EPS15: variants seen among roughly 807,000 people sequenced by gnomAD.
The protein encoded by EPS15 is epidermal growth factor receptor pathway substrate 15, also known as epidermal growth factor receptor substrate 15.
EPS15 carries 72 observed loss-of-function variants against 113.8 expected under a neutral mutation model. The ratio of observed to expected loss-of-function variants is 0.63; its 90% CI spans 0.52 to 0.77. The LOEUF (loss-of-function observed/expected upper bound fraction) is 0.77, where lower values mean the gene tolerates loss of function less well. Among genes scored for constraint, EPS15 ranks in the 30% least tolerant of loss-of-function variants. The pLI, the probability that EPS15 is intolerant of heterozygous loss-of-function variation, is 0.00. For synonymous variants in EPS15, 344 were observed against 363.4 expected (o/e 0.95, Z 0.61); for missense variants, 1,048 against 1,045.8 (o/e 1.00, Z -0.03).
At chr1:51,436,914 T>C (rs1307962407) in intron 12 of EPS15, among the ~76,000 whole-genome samples, 1 of 152,136 alleles carries the variant, frequency 6.6e-6, no homozygotes, top group Non-Finnish European at 1.5e-5. Flanking sequence ...AAAACACTAG[T>C]AGGCAATGAA....
At chr1:51,440,686 C>A (rs1273180174) in intron 11 of EPS15, among the ~76,000 whole-genome samples, 1 of 151,944 alleles carries the variant, frequency 6.6e-6, no homozygotes, top group South Asian at 2.1e-4. Context: ...TCCCCACCTC[C>A]GATCCGAATG....
intron 1 of EPS15, among the ~76,000 whole-genome samples, chr1:51,516,381 T>C (rs1644716656): frequency 6.6e-6 from 1 of 152,234 alleles, no homozygotes; most frequent in Non-Finnish European, 1.5e-5. Context: ...ACATACTGAA[T>C]GCTCAGCAAA....
chr1:51,499,022 T>A (rs1644370961), intron 1 of EPS15, among the ~76,000 whole-genome samples: 1 of 152,178 alleles, frequency 6.6e-6, no homozygotes, highest in South Asian at 2.1e-4. Context: ...ACAGCATTCA[T>A]CCCTTTTACG....
intron 21 of EPS15, among the ~76,000 whole-genome samples, chr1:51,385,003 A>G (rs894396174): frequency 6.6e-6 from 1 of 152,238 alleles, no homozygotes; most frequent in Non-Finnish European, 1.5e-5. Flanking sequence ...TATCGGGGAA[A>G]TGCTTCCTGA....
intron 1 of EPS15, among the ~76,000 whole-genome samples, chr1:51,510,976 G>A (rs1644608886): frequency 1.3e-5 from 2 of 151,966 alleles, no homozygotes; most frequent in African/African-American, 4.8e-5. Context: ...GACCAGCCTG[G>A]CCAACATGGT....
intron 21 of EPS15, among the ~76,000 whole-genome samples, chr1:51,392,564 A>C (rs1189294173): frequency 6.6e-6 from 1 of 152,194 alleles, no homozygotes; most frequent in African/African-American, 2.4e-5. Flanking sequence ...CTATTCCTCT[A>C]TCTTGCAAAA....
At chr1:51,428,776 G>A (rs1418686362) in intron 12 of EPS15, among the ~76,000 whole-genome samples, 4 of 141,940 alleles carry the variant, frequency 2.8e-5, no homozygotes, top group Non-Finnish European at 6.0e-5. Context: ...GCAGTGAGCC[G>A]AGATTGCACT....
chr1:51,435,883 A>G (rs1196424797), intron 12 of EPS15, among the ~76,000 whole-genome samples: 2 of 152,234 alleles, frequency 1.3e-5, no homozygotes, highest in African/African-American at 4.8e-5. Context: ...AAGAGACAAT[A>G]TTTAAGACGG....
intron 1 of EPS15, among the ~76,000 whole-genome samples, chr1:51,497,970 C>T (rs546617530): frequency 4.9e-5 from 7 of 143,978 alleles, no homozygotes; most frequent in African/African-American, 1.5e-4. Context: ...AGCAAGACCC[C>T]GTCTCAAAAA....
intron 8 of EPS15, among the ~76,000 whole-genome samples, chr1:51,452,513 G>A (rs1164146510): frequency 6.6e-6 from 1 of 151,864 alleles, no homozygotes; most frequent in African/African-American, 2.4e-5. Flanking sequence ...CAAACTTCTG[G>A]GATCAAGTAA....
chr1:51,423,426 C>T lies in EPS15; in HGVS notation c.1041-1568G>A, dbSNP rs565513269. 122 of 1,131,302 alleles carry T rather than the reference C, an allele frequency of 1.1e-4. No individual in the cohort carries two copies. The South Asian group carries it at 2.1e-3, about 20-fold the overall frequency. 70.1% of individuals were successfully genotyped at this position (1,131,302 alleles called of 1,614,324 possible). ...AAATACCCAACAAATTCTGCAAGCT[C>T]AATCTTGGAAATTTTCTTTCCTCCT... On this transcript the variant is annotated intron_variant, in intron 12 of 24. Coordinates refer to ENST00000371733, the MANE Select transcript of EPS15 (RefSeq NM_001981.3).
chr1:51,454,049 CAAAAAAAA>C (rs376428827), intron 8 of EPS15, among the ~76,000 whole-genome samples: 9 of 88,212 alleles, frequency 1.0e-4, no homozygotes, highest in East Asian at 1.1e-3. Context: ...GACTTTGTTT[CAAAAAAAA>C]AAAAAAAAAA....
chr1:51,508,290 A>AGAGAGAG, intron 1 of EPS15, among the ~76,000 whole-genome samples: 1 of 134,188 alleles, frequency 7.5e-6, no homozygotes, highest in East Asian at 2.0e-4. Context: ...GAAAGAGAGA[A>AGAGAGAG]AGAGAGAGAG....
chr1:51,387,298 C>T (rs1015721454), intron 21 of EPS15, among the ~76,000 whole-genome samples: 3 of 151,882 alleles, frequency 2.0e-5, no homozygotes, highest in Admixed American at 1.3e-4. Flanking sequence ...CAGACCTGCC[C>T]TAAAAGAGCT....
chr1:51,517,145 T>C (rs1242390854), intron 1 of EPS15, among the ~76,000 whole-genome samples: 1 of 152,224 alleles, frequency 6.6e-6, no homozygotes, highest in African/African-American at 2.4e-5. Flanking sequence ...TACTAGCAAC[T>C]GGAAATGTTA....
At chr1:51,482,057 C>G (rs1046805393) in intron 1 of EPS15, among the ~76,000 whole-genome samples, 3 of 152,132 alleles carry the variant, frequency 2.0e-5, no homozygotes, top group African/African-American at 7.2e-5. Context: ...GTAGTCCCAG[C>G]TACTTGGGAG....
At chr1:51,488,427 A>G (rs906617979) in intron 1 of EPS15, among the ~76,000 whole-genome samples, 2 of 151,128 alleles carry the variant, frequency 1.3e-5, no homozygotes, top group Non-Finnish European at 3.0e-5. Context: ...TGAAAAATGT[A>G]AAGTACCTGT....
intron 1 of EPS15, among the ~76,000 whole-genome samples, chr1:51,508,391 T>C (rs1366771969): frequency 9.2e-6 from 1 of 108,910 alleles, no homozygotes; most frequent in African/African-American, 3.0e-5. Context: ...AAAGAGAAAA[T>C]TTAAACAAAT....
chr1:51,420,796 AATCAT>A (rs1650678820), intron 13 of EPS15, among the ~76,000 whole-genome samples: 2 of 152,218 alleles, frequency 1.3e-5, no homozygotes, highest in African/African-American at 4.8e-5. Flanking sequence ...TTCTTCAGTA[AATCAT>A]TCTCCCCACC....
Sources: gnomAD v4.1 joint callset for allele counts (sites outside exome capture counted in the v4.1 genomes callset) on GRCh38, gnomAD v4.1.1 for gene constraint, MANE v1.5 for transcripts, NCBI Gene and HGNC (gene_info 2026-07-23, HGNC 2026-07-21) for gene names.